Variants in LRRN1 observed in about 807,000 individuals in gnomAD.
LRRN1 encodes leucine-rich repeat neuronal protein 1.
In LRRN1, 14 loss-of-function variants were observed where a neutral mutation model predicts 45.8. That is an observed-to-expected ratio of 0.31 (90% CI 0.20 to 0.48). The LOEUF (loss-of-function observed/expected upper bound fraction) is 0.48, where lower values mean the gene tolerates loss of function less well. LRRN1 is among the 20% of genes least tolerant of loss of function. LRRN1 has a pLI of 0.99. For missense variants in LRRN1, 789 were observed against 874.2 expected, an observed-to-expected ratio of 0.90 and a Z score of 1.23; for synonymous variants, 359 against 330.1, an observed-to-expected ratio of 1.09 and a Z score of -0.95.
In LRRN1 at chr3:3,799,525, G is replaced by A. The variant is rs866533600; in HGVS notation, c.-673G>A. On this transcript the variant is annotated 5_prime_UTR_variant, in exon 1 of 2. Coordinates refer to ENST00000319331, the MANE Select transcript of LRRN1 (RefSeq NM_020873.7). ...CGGCTGCAAGCGCCCGCCTGGCGGGGAGAGGGGCCGACGGCGTCAGCCCGG... is the reference window on the plus strand; with the variant it reads ...CGGCTGCAAGCGCCCGCCTGGCGGGAAGAGGGGCCGACGGCGTCAGCCCGG... 4.7e-4 allele frequency: 71 copies of A among 152,106 alleles called. No individual in the cohort carries two copies. The highest frequency in any genetic ancestry group is 1.6e-3 in the African/African-American group (65 of 41,546). 9.4% of individuals were successfully genotyped at this position (152,106 alleles called of 1,614,324 possible).
At chr3:3,843,807 T>A (rs552321440) in intron 1 of LRRN1, among the ~76,000 whole-genome samples, 1 of 152,204 alleles carries the variant, frequency 6.6e-6, no homozygotes, top group Non-Finnish European at 1.5e-5. Flanking sequence ...GAATGTAGCA[T>A]TTAGAAAAGA....
At chr3:3,826,688 G>C (rs1380508139) in intron 1 of LRRN1, among the ~76,000 whole-genome samples, 1 of 152,094 alleles carries the variant, frequency 6.6e-6, no homozygotes, top group Non-Finnish European at 1.5e-5. Context: ...CAGAGTGTTG[G>C]CTTTGGATAA....
chr3:3,842,289 A>G (rs1267989418), intron 1 of LRRN1, among the ~76,000 whole-genome samples: 1 of 151,972 alleles, frequency 6.6e-6, no homozygotes. Flanking sequence ...AGGAGGGAGA[A>G]GAATGCCAAA....
intron 1 of LRRN1, among the ~76,000 whole-genome samples, chr3:3,809,456 G>C (rs1341058869): frequency 1.3e-5 from 2 of 152,176 alleles, no homozygotes. Context: ...GAAAAGTATT[G>C]AATGATTTTT....
rs1330843884 is a variant in LRRN1 at position 3,816,451 on chromosome 3, T to C, written c.-279+16532T>C. 6.6e-6 allele frequency among the ~76,000 whole-genome samples: 1 copy of C among 152,134 alleles called. No homozygotes were observed. Among genetic ancestry groups the C allele is most frequent in the Admixed American group, 6.6e-5 (1 of 15,266 alleles). Reference sequence around the variant, plus strand: ...AAAACCTGATTAACAGAAATCCTAATTAACTAGATCCCCTCCACCCTCAGT... The same window carrying C: ...AAAACCTGATTAACAGAAATCCTAACTAACTAGATCCCCTCCACCCTCAGT... On this transcript the variant is annotated intron_variant, in intron 1 of 1. Coordinates refer to ENST00000319331, the MANE Select transcript of LRRN1 (RefSeq NM_020873.7). The surrounding 1 kb of genome is among the most constrained non-coding windows in gnomAD (Gnocchi z 4.0).
In LRRN1 at chr3:3,846,749, A is replaced by C. The variant is rs777684601; in HGVS notation, c.2108A>C (p.Lys703Thr). The change falls in exon 2 of 2, where the codon AAG (lysine) becomes ACG (threonine). Residue 703 changes from lysine to threonine, a missense_variant. Coordinates refer to ENST00000319331, the MANE Select transcript of LRRN1 (RefSeq NM_020873.7). This position sits in a 1 kb window ranked among gnomAD's most constrained non-coding sequence, Gnocchi z 5.7. ...EKDKDGSADT[K>T]PTQVDTSRSY... ...GACAAAGATGGTTCTGCAGACACCAAGCCAACCCAGGTCGACACATCCAGA... is the reference window on the plus strand; with the variant it reads ...GACAAAGATGGTTCTGCAGACACCACGCCAACCCAGGTCGACACATCCAGA... The C allele has an allele frequency of 1.2e-6, 2 of 1,613,176 alleles. No homozygotes were observed. The highest frequency in any genetic ancestry group is 1.3e-5 in the African/African-American group (1 of 74,978).
In LRRN1 at chr3:3,821,403, C is replaced by T. The variant is rs113420489; in HGVS notation, c.-279+21484C>T. ...CAAACACAAATTAGTAACTCTCATT[C>T]CTCCCTCCCAAAGATCCACCTATCT... On this transcript the variant is annotated intron_variant, in intron 1 of 1. Transcript: ENST00000319331. 3.7e-3 allele frequency among the ~76,000 whole-genome samples: 570 copies of T among 152,190 alleles called. 2 individuals carry two copies. Among genetic ancestry groups the T allele is most frequent in the African/African-American group, 0.013 (546 of 41,524 alleles).
At chr3:3,808,278 T>G (rs1479726404) in intron 1 of LRRN1, among the ~76,000 whole-genome samples, 1 of 152,196 alleles carries the variant, frequency 6.6e-6, no homozygotes, top group Non-Finnish European at 1.5e-5. Context: ...CACTGTGCCT[T>G]TCCAATGTGT....
At chr3:3,803,511 A>G (rs1692697319) in intron 1 of LRRN1, among the ~76,000 whole-genome samples, 1 of 152,212 alleles carries the variant, frequency 6.6e-6, no homozygotes, top group South Asian at 2.1e-4. Context: ...ATTGTATTTA[A>G]TTTTAAAAAA....
chr3:3,827,489 G>A (rs755723127), intron 1 of LRRN1: 2 of 456,570 alleles, frequency 4.4e-6, no homozygotes, highest in South Asian at 3.1e-5. Flanking sequence ...TGGTGTTGAG[G>A]CAATCTATTT....
chr3:3,820,978 G>C (rs1693090714), intron 1 of LRRN1, among the ~76,000 whole-genome samples: 1 of 152,220 alleles, frequency 6.6e-6, no homozygotes. Flanking sequence ...CCTGTGAGTG[G>C]TGGCAGGTCA....
chr3:3,830,086 C>A (rs188736881), intron 1 of LRRN1, among the ~76,000 whole-genome samples: 2 of 152,308 alleles, frequency 1.3e-5, no homozygotes, highest in Admixed American at 1.3e-4. Flanking sequence ...CCACTTTGTT[C>A]ATGGACTCTT....
Position 3,846,942 on chromosome 3 carries a change from A to T in LRRN1, c.*150A>T. The T allele has an allele frequency of 1.6e-6, 1 of 633,214 alleles. No individual in the cohort carries two copies. Among genetic ancestry groups the T allele is most frequent in the African/African-American group, 1.8e-5 (1 of 54,242 alleles). 39.2% of individuals were successfully genotyped at this position (633,214 alleles called of 1,614,324 possible). A position where few individuals can be genotyped will look rare whatever the true frequency, so the allele number is the denominator to read the frequency against. ...ACGGGTGGATATTTCAAATTTTTTT[A>T]GTATAGCGTATCGCAAGGGTTTGAC... On this transcript the variant is annotated 3_prime_UTR_variant, in exon 2 of 2. Transcript: ENST00000319331. This position sits in a 1 kb window ranked among gnomAD's most constrained non-coding sequence, Gnocchi z 5.7.
chr3:3,845,315 T>C lies in LRRN1; in HGVS notation c.674T>C (p.Met225Thr), dbSNP rs1693741669. 2.5e-6 allele frequency: 4 copies of C among 1,614,128 alleles called. No homozygotes were observed. The highest frequency in any genetic ancestry group is 3.4e-6 in the Non-Finnish European group (4 of 1,180,022). Reference sequence around the variant, plus strand: ...TTGAGAAGCTTAGTTTTGGCAGGAATGTATCTCACTGATATTCCTGGAAAT... The same window carrying C: ...TTGAGAAGCTTAGTTTTGGCAGGAACGTATCTCACTGATATTCCTGGAAAT... ...ANLRSLVLAG[M>T]YLTDIPGNAL... Residue 225 changes from methionine to threonine, a missense_variant, in exon 2 of 2, where the codon ATG (methionine) becomes ACG (threonine). Met to Thr is a moderately conservative substitution (Grantham distance 81). Coordinates refer to ENST00000319331, the MANE Select transcript of LRRN1 (RefSeq NM_020873.7). The surrounding 1 kb of genome is among the most constrained non-coding windows in gnomAD (Gnocchi z 6.5).
intron 1 of LRRN1, among the ~76,000 whole-genome samples, chr3:3,843,944 T>C (rs1257359369): frequency 6.6e-6 from 1 of 152,224 alleles, no homozygotes; most frequent in African/African-American, 2.4e-5. Flanking sequence ...TTTTTGGAGC[T>C]ATAAATACAT....
intron 1 of LRRN1, among the ~76,000 whole-genome samples, chr3:3,803,688 T>C (rs1692701162): frequency 6.6e-6 from 1 of 152,148 alleles, no homozygotes; most frequent in South Asian, 2.1e-4. Flanking sequence ...ATTATATGGA[T>C]GAAGTCAGAA....
intron 1 of LRRN1, among the ~76,000 whole-genome samples, chr3:3,819,646 G>A (rs1693061347): frequency 6.6e-6 from 1 of 152,176 alleles, no homozygotes; most frequent in Admixed American, 6.5e-5. Flanking sequence ...TTGGATTAGG[G>A]GCCTAGCCTA....
At chr3:3,800,829 A>G (rs971273809) in intron 1 of LRRN1, 1 of 152,872 alleles carries the variant, frequency 6.5e-6, no homozygotes, top group Middle Eastern at 3.3e-3. Flanking sequence ...CAGCCCCGCC[A>G]GGAACAGAGC....
intron 1 of LRRN1, among the ~76,000 whole-genome samples, chr3:3,831,989 T>C (rs1489383226): frequency 6.6e-6 from 1 of 152,256 alleles, no homozygotes; most frequent in Non-Finnish European, 1.5e-5. Flanking sequence ...ATTTGCCATG[T>C]CAATGGCTGC....
Sources: gnomAD v4.1 joint callset for allele counts (sites outside exome capture counted in the v4.1 genomes callset) on GRCh38, gnomAD v4.1.1 for gene constraint, Gnocchi (gnomAD v3.1) non-coding constraint, MANE v1.5 for transcripts, NCBI Gene and HGNC (gene_info 2026-07-23, HGNC 2026-07-21) for gene names.